Variants in POC1B observed in about 807,000 individuals in gnomAD.
The protein encoded by POC1B is POC1 centriolar protein homolog B.
In POC1B, 44 loss-of-function variants were observed where a neutral mutation model predicts 60.6. That is an observed-to-expected ratio of 0.73 (90% CI 0.57 to 0.93). The LOEUF (loss-of-function observed/expected upper bound fraction) is 0.93. POC1B is among the 40% of genes least tolerant of loss of function. The probability of loss-of-function intolerance (pLI) is 0.00; values close to 1 mark genes in which losing one functional copy is unlikely to be tolerated. For synonymous variants in POC1B, 180 were observed against 198.9 expected (o/e 0.90, Z 0.80); for missense variants, 555 against 572.3 (o/e 0.97, Z 0.31).
chr12:89,482,555 T>C (rs1868404483), intron 4 of POC1B, among the ~76,000 whole-genome samples: 2 of 151,876 alleles, frequency 1.3e-5, no homozygotes, highest in Non-Finnish European at 2.9e-5. Context: ...AAATAAAAGA[T>C]CTGAGAGCAG....
At chr12:89,495,410 A>G (rs569129526) in intron 3 of POC1B, among the ~76,000 whole-genome samples, 1 of 152,334 alleles carries the variant, frequency 6.6e-6, no homozygotes, top group East Asian at 1.9e-4. Flanking sequence ...CTTCTCTTCA[A>G]TAGTTTTCAC....
At chr12:89,466,617 T>TAC (rs1882693388) in intron 9 of POC1B, 153 bp downstream of exon 9, 3 of 626,990 alleles carry the variant, frequency 4.8e-6, no homozygotes, top group Non-Finnish European at 5.1e-6. Context: ...AAAACTTTAT[T>TAC]ACACACTATA....
At chr12:89,506,489 G>A (rs953389953) in intron 2 of POC1B, among the ~76,000 whole-genome samples, 3 of 152,128 alleles carry the variant, frequency 2.0e-5, no homozygotes, top group South Asian at 2.1e-4. Flanking sequence ...GACACTTAAC[G>A]TTCAGATAAG....
the POC1B span, among the ~76,000 whole-genome samples, chr12:89,414,465 T>G: frequency 6.6e-6 from 1 of 152,224 alleles, no homozygotes; most frequent in Non-Finnish European, 1.5e-5. Context: ...ATTTTCCTAG[T>G]AAGCTCAGGC....
At chr12:89,455,988 G>T (rs1285696503) in intron 10 of POC1B, among the ~76,000 whole-genome samples, 1 of 151,182 alleles carries the variant, frequency 6.6e-6, no homozygotes, top group Non-Finnish European at 1.5e-5. Flanking sequence ...TTTATTTACA[G>T]TTAGTTTAAA....
chr12:89,425,525 ATAAT>A (rs1429577183), intron 10 of POC1B, 146 bp from the exon 11 acceptor site: 13 of 543,768 alleles, frequency 2.4e-5, no homozygotes, highest in Admixed American at 3.7e-5. Flanking sequence ...GGAAATTACT[ATAAT>A]TAAATAAGGA....
intron 2 of POC1B, among the ~76,000 whole-genome samples, chr12:89,498,606 A>C (rs1592629228): frequency 1.3e-5 from 2 of 152,360 alleles, no homozygotes; most frequent in East Asian, 3.9e-4. Context: ...TTCCATGTAA[A>C]ACAGTTAAAA....
At chr12:89,461,468 A>G (rs934684440) in intron 9 of POC1B, among the ~76,000 whole-genome samples, 4 of 152,188 alleles carry the variant, frequency 2.6e-5, no homozygotes, top group African/African-American at 9.7e-5. Context: ...TGGAAGCTAC[A>G]ATGTGCTGAA....
chr12:89,427,192 T>C (rs959214730), intron 10 of POC1B: 1 of 152,180 alleles, frequency 6.6e-6, no homozygotes, highest in African/African-American at 2.4e-5. Context: ...GACATAAGAA[T>C]AGACATATAA....
chr12:89,501,827 C>G (rs1403687871), intron 2 of POC1B: 1 of 1,198,504 alleles, frequency 8.3e-7, no homozygotes, highest in Non-Finnish European at 1.2e-6. Context: ...GGGAAAAAAA[C>G]TATTCCACTT....
chr12:89,410,521 A>T, the POC1B span, among the ~76,000 whole-genome samples: 1 of 152,142 alleles, frequency 6.6e-6, no homozygotes, highest in Non-Finnish European at 1.5e-5. Flanking sequence ...TCTACTAAAA[A>T]TACAAAACAT....
chr12:89,417,330 C>G (rs905935374), downstream of POC1B, among the ~76,000 whole-genome samples: 8 of 152,200 alleles, frequency 5.3e-5, no homozygotes, highest in African/African-American at 1.9e-4. Flanking sequence ...AACCCACCAA[C>G]TAATCTCCAC....
Position 89,466,926 on chromosome 12 carries a change from T to C in POC1B, c.880-4A>G. ...AGTTAGTCCTCCATAATAAGACCTATGAAAAAAGTCAATGATGTTGGCAGT... is the reference window on the plus strand; with the variant it reads ...AGTTAGTCCTCCATAATAAGACCTACGAAAAAAGTCAATGATGTTGGCAGT... On this transcript the variant is annotated splice_region_variant and splice_polypyrimidine_tract_variant and intron_variant, in intron 8 of 11. Coordinates refer to ENST00000313546, the MANE Select transcript of POC1B (RefSeq NM_172240.3). The C allele has an allele frequency of 6.2e-7, 1 of 1,604,500 alleles. No homozygotes were observed. Among genetic ancestry groups the C allele is most frequent in the South Asian group, 1.1e-5 (1 of 89,726 alleles).
At chr12:89,412,234 ATTC>A in the POC1B span, among the ~76,000 whole-genome samples, 1 of 152,002 alleles carries the variant, frequency 6.6e-6, no homozygotes, top group African/African-American at 2.4e-5. Context: ...GAGCTTTCTT[ATTC>A]TTCTTTCTCC....
chr12:89,502,704 C>G, intron 2 of POC1B: 1 of 1,341,714 alleles, frequency 7.5e-7, no homozygotes, highest in South Asian at 1.2e-5. Context: ...TTGGATACAC[C>G]CTTTTTTTCT....
chr12:89,492,978 T>C (rs2135738988), intron 3 of POC1B, among the ~76,000 whole-genome samples: 1 of 152,300 alleles, frequency 6.6e-6, no homozygotes, highest in Middle Eastern at 3.4e-3. Flanking sequence ...ATTACCTTGC[T>C]AAGAGCGTAA....
At chr12:89,470,516 CA>C in intron 6 of POC1B, 22 bp from the exon 7 acceptor site, 1 of 1,553,934 alleles carries the variant, frequency 6.4e-7, no homozygotes, top group Non-Finnish European at 8.8e-7. Context: ...AAAATAAAAG[CA>C]AAAAGTTCAG....
intron 11 of POC1B, 127 bp from the exon 12 acceptor site, chr12:89,421,384 A>G: frequency 1.4e-6 from 1 of 700,556 alleles, no homozygotes; most frequent in Non-Finnish European, 2.3e-6. Context: ...AGTTGGCTCA[A>G]AAATGAGCCC....
chr12:89,453,870 A>G (rs535150770), intron 10 of POC1B, among the ~76,000 whole-genome samples: 2 of 152,342 alleles, frequency 1.3e-5, no homozygotes, highest in African/African-American at 2.4e-5. Flanking sequence ...GTGTGTCCAT[A>G]TATTTTGTCA....
Sources: gnomAD v4.1 joint callset for allele counts (sites outside exome capture counted in the v4.1 genomes callset) on GRCh38, gnomAD v4.1.1 for gene constraint, MANE v1.5 for transcripts, NCBI Gene and HGNC (gene_info 2026-07-23, HGNC 2026-07-21) for gene names.